ZSWIM6: variants seen among roughly 807,000 people sequenced by gnomAD.
ZSWIM6 encodes the protein zinc finger SWIM-type containing 6.
In ZSWIM6, 9 loss-of-function variants were observed where a neutral mutation model predicts 113.2. The ratio of observed to expected loss-of-function variants is 0.08; its 90% CI spans 0.05 to 0.14. ZSWIM6 has a LOEUF of 0.14. Ranked by LOEUF, ZSWIM6 falls within the 10% of genes least tolerant of loss-of-function variation. The pLI, the probability that ZSWIM6 is intolerant of heterozygous loss-of-function variation, is 1.00. For missense variants in ZSWIM6, 1,162 were observed against 1,552.2 expected, an observed-to-expected ratio of 0.75 and a Z score of 4.22; for synonymous variants, 611 against 606.5, an observed-to-expected ratio of 1.01 and a Z score of -0.11.
At chr5:61,481,796 C>G (rs1346820553) in intron 2 of ZSWIM6, among the ~76,000 whole-genome samples, 2 of 152,066 alleles carry the variant, frequency 1.3e-5, no homozygotes, top group East Asian at 3.9e-4. Context: ...ACACATCCAT[C>G]TCTGGGAATG....
At chr5:61,481,561 A>G (rs1370842458) in intron 2 of ZSWIM6, among the ~76,000 whole-genome samples, 1 of 152,022 alleles carries the variant, frequency 6.6e-6, no homozygotes, top group Non-Finnish European at 1.5e-5. Context: ...GTATCTCAGC[A>G]TCTGTTTTTT....
chr5:61,541,975 C>T lies in ZSWIM6; in HGVS notation c.2785+10C>T, dbSNP rs1432300896. ...TGTGCTACTGAAGTCGGTAGGTAAA[C>T]TCTGGAACAGAAGCTTTCCTAGGTG... On this transcript the variant is annotated intron_variant, in intron 13 of 13. Transcript: ENST00000252744. 10 of 1,548,712 alleles carry T rather than the reference C, an allele frequency of 6.5e-6. No individual in the cohort carries two copies. The highest frequency in any genetic ancestry group is 7.0e-6 in the Non-Finnish European group (8 of 1,144,388).
At chr5:61,488,438 G>A (rs1415668579) in intron 2 of ZSWIM6, among the ~76,000 whole-genome samples, 2 of 151,926 alleles carry the variant, frequency 1.3e-5, no homozygotes, top group Non-Finnish European at 2.9e-5. Flanking sequence ...ATTAGTATTA[G>A]TTCTTCTTCC....
chr5:61,435,324 A>AG (rs1166824292), intron 1 of ZSWIM6, among the ~76,000 whole-genome samples: 5 of 152,336 alleles, frequency 3.3e-5, no homozygotes, highest in African/African-American at 1.2e-4. Context: ...CAGCTGCTAA[A>AG]GAAATGTGTG....
intron 1 of ZSWIM6, among the ~76,000 whole-genome samples, chr5:61,392,161 G>A (rs1368214142): frequency 6.6e-6 from 1 of 152,172 alleles, no homozygotes; most frequent in Non-Finnish European, 1.5e-5. Context: ...TCAATGTTGT[G>A]TTTTCTAGTA....
chr5:61,334,656 C>A (rs1239486060), intron 1 of ZSWIM6, among the ~76,000 whole-genome samples: 1 of 151,932 alleles, frequency 6.6e-6, no homozygotes. Flanking sequence ...CCCAGTGTTG[C>A]CTTTTCTATG....
At chr5:61,363,968 TCCTCCCTCCCTC>T (rs377008635) in intron 1 of ZSWIM6, among the ~76,000 whole-genome samples, 3 of 142,348 alleles carry the variant, frequency 2.1e-5, no homozygotes, top group Non-Finnish European at 3.0e-5. Context: ...CTTCCTTCCT[TCCTCCCTCCCTC>T]CCTCCCTCCC....
intron 12 of ZSWIM6, among the ~76,000 whole-genome samples, chr5:61,540,980 G>T (rs1247788314): frequency 7.7e-6 from 1 of 129,648 alleles, no homozygotes; most frequent in Non-Finnish European, 1.5e-5. Context: ...GTCTCACTCT[G>T]TCACCCAGGC....
Position 61,494,668 on chromosome 5 carries a change from GA to G in ZSWIM6, c.1333+268del, listed in dbSNP as rs564926025. Reference sequence around the variant, plus strand: ...GCAGGAATCTCCCTTTAAGTATTTGGAAAAAAAAAAGCTGTATTATTTTTAA... The same window carrying G: ...GCAGGAATCTCCCTTTAAGTATTTGGAAAAAAAAAGCTGTATTATTTTTAA... On this transcript the variant is annotated intron_variant, in intron 4 of 13. Coordinates refer to ENST00000252744, the MANE Select transcript of ZSWIM6 (RefSeq NM_020928.2). Among the ~76,000 whole-genome samples, 9 of 146,580 alleles carry G rather than the reference GA, an allele frequency of 6.1e-5. No homozygotes were observed. In the South Asian group the frequency reaches 6.5e-4, roughly 11 times the overall value.
chr5:61,430,400 A>T (rs1579992432), intron 1 of ZSWIM6, among the ~76,000 whole-genome samples: 1 of 152,168 alleles, frequency 6.6e-6, no homozygotes, highest in Non-Finnish European at 1.5e-5. Context: ...GAAATTAGTA[A>T]GATTCTCAAA....
intron 4 of ZSWIM6, among the ~76,000 whole-genome samples, chr5:61,517,565 T>G (rs895385363): frequency 3.3e-5 from 5 of 152,036 alleles, no homozygotes; most frequent in African/African-American, 9.7e-5. Context: ...ATTACAGTAG[T>G]TGGTATAGAG....
chr5:61,394,104 C>T (rs769817293), intron 1 of ZSWIM6, among the ~76,000 whole-genome samples: 17 of 152,116 alleles, frequency 1.1e-4, no homozygotes, highest in Non-Finnish European at 2.5e-4. Flanking sequence ...ATTTCTATTA[C>T]AGAGCAGCCA....
chr5:61,390,189 G>A (rs951583090), intron 1 of ZSWIM6, among the ~76,000 whole-genome samples: 2 of 152,136 alleles, frequency 1.3e-5, no homozygotes, highest in Non-Finnish European at 2.9e-5. Context: ...TAATGATATT[G>A]TGACATTTCA....
intron 1 of ZSWIM6, among the ~76,000 whole-genome samples, chr5:61,407,427 G>A (rs1364820399): frequency 1.3e-5 from 2 of 152,142 alleles, no homozygotes; most frequent in Non-Finnish European, 2.9e-5. Flanking sequence ...CAAGAACCAT[G>A]AAAGAATAGA....
chr5:61,511,520 G>A (rs749210146), intron 4 of ZSWIM6, among the ~76,000 whole-genome samples: 1 of 152,072 alleles, frequency 6.6e-6, no homozygotes, highest in African/African-American at 2.4e-5. Flanking sequence ...TAGGAGTTGG[G>A]GCCCTTGGGA....
intron 1 of ZSWIM6, among the ~76,000 whole-genome samples, chr5:61,380,378 C>T (rs1745450308): frequency 6.6e-6 from 1 of 152,078 alleles, no homozygotes; most frequent in Admixed American, 6.6e-5. Flanking sequence ...ACCCAGCCCA[C>T]AGACAGTCAT....
At position 61,505,751 on chromosome 5, in the gene ZSWIM6, T is replaced by TCTC. The variant is rs1561268651; in HGVS notation, c.1333+11341_1333+11342insCTC. On this transcript the variant is annotated intron_variant, in intron 4 of 13. Transcript: ENST00000252744. ...TCCCTCTCTCTCTCTCTCTCTCTCT[T>TCTC]TCTTTCTTTCTTTTTTTGAGACAGT... 9.8e-4 allele frequency among the ~76,000 whole-genome samples: 135 copies of TCTC among 138,012 alleles called. 8 individuals are homozygous for TCTC. Among genetic ancestry groups the TCTC allele is most frequent in the African/African-American group, 3.7e-3 (124 of 33,902 alleles). 90.5% of individuals were successfully genotyped at this position (138,012 alleles called of 152,430 possible). A position where few individuals can be genotyped will look rare whatever the true frequency, so the allele number is the denominator to read the frequency against.
chr5:61,372,976 TG>T (rs1745298285), intron 1 of ZSWIM6, among the ~76,000 whole-genome samples: 1 of 152,304 alleles, frequency 6.6e-6, no homozygotes, highest in South Asian at 2.1e-4. Context: ...AAGTCATACA[TG>T]AATATATTCT....
At chr5:61,484,937 G>A (rs1747975575) in intron 2 of ZSWIM6, among the ~76,000 whole-genome samples, 1 of 152,292 alleles carries the variant, frequency 6.6e-6, no homozygotes, top group South Asian at 2.1e-4. Context: ...CCTGTAGAAT[G>A]GGGATCATGA....
Sources: gnomAD v4.1 joint callset for allele counts (sites outside exome capture counted in the v4.1 genomes callset) on GRCh38, gnomAD v4.1.1 for gene constraint, MANE v1.5 for transcripts, NCBI Gene and HGNC (gene_info 2026-07-23, HGNC 2026-07-21) for gene names.